The following ERBB4 variants were observed in gnomAD, a reference collection of about 807,000 sequenced individuals.
The protein encoded by ERBB4 is receptor tyrosine-protein kinase erbB-4.
ERBB4 carries 42 observed loss-of-function variants against 158.0 expected under a neutral mutation model. That is an observed-to-expected ratio of 0.27 (90% CI 0.21 to 0.34). ERBB4 has a LOEUF of 0.34. ERBB4 is among the 10% of genes least tolerant of loss of function. The probability of loss-of-function intolerance (pLI) is 1.00; values close to 1 mark genes in which losing one functional copy is unlikely to be tolerated. For missense variants in ERBB4, 1,333 were observed against 1,624.1 expected, an observed-to-expected ratio of 0.82 and a Z score of 3.08; for synonymous variants, 583 against 558.7, an observed-to-expected ratio of 1.04 and a Z score of -0.61.
intron 1 of ERBB4, among the ~76,000 whole-genome samples, chr2:212,448,914 G>A (rs980682957): frequency 3.3e-5 from 5 of 152,006 alleles, no homozygotes; most frequent in African/African-American, 7.2e-5. Flanking sequence ...TGTAGCTTGT[G>A]GTCACTGAGG....
At chr2:211,715,018 T>A (rs918269430) in intron 7 of ERBB4, among the ~76,000 whole-genome samples, 1 of 152,280 alleles carries the variant, frequency 6.6e-6, no homozygotes, top group Middle Eastern at 3.4e-3. Flanking sequence ...TGAAAATGGA[T>A]GGCAGCTTCT....
intron 4 of ERBB4, among the ~76,000 whole-genome samples, chr2:211,780,231 G>T (rs2076001683): frequency 6.6e-6 from 1 of 152,054 alleles, no homozygotes; most frequent in Non-Finnish European, 1.5e-5. Context: ...GGGTGTAGTG[G>T]CATGCATCTG....
At chr2:211,519,306 C>T (rs1375936048) in intron 20 of ERBB4, among the ~76,000 whole-genome samples, 2 of 152,068 alleles carry the variant, frequency 1.3e-5, no homozygotes, top group Admixed American at 1.3e-4. Context: ...TTGGCTACAT[C>T]CTATTAATAT....
chr2:212,355,309 G>T (rs1476496618), intron 1 of ERBB4, among the ~76,000 whole-genome samples: 8 of 151,920 alleles, frequency 5.3e-5, no homozygotes, highest in Non-Finnish European at 8.8e-5. Context: ...ACAGTATTGG[G>T]CTATAAGCAA....
intron 3 of ERBB4, among the ~76,000 whole-genome samples, chr2:211,798,111 T>C (rs2076421230): frequency 6.6e-6 from 1 of 151,926 alleles, no homozygotes; most frequent in African/African-American, 2.4e-5. Context: ...ACAGCATATC[T>C]CTATCACTCC....
chr2:212,284,163 A>C (rs1474401000), intron 1 of ERBB4, among the ~76,000 whole-genome samples: 1 of 152,150 alleles, frequency 6.6e-6, no homozygotes, highest in Non-Finnish European at 1.5e-5. Context: ...GGTTCAGATA[A>C]GAATATAAGT....
In ERBB4 at chr2:211,377,688, T is replaced by G; in HGVS notation, c.*5927A>C. On this transcript the variant is annotated 3_prime_UTR_variant, in exon 28 of 28. Transcript: ENST00000342788. ...AAAATATTTACGATTAGGAACCAAA[T>G]AAGATGAATAAAGCAAATAAGTTAA... The G allele has an allele frequency of 4.3e-6, 1 of 232,414 alleles. No homozygotes were observed. The highest frequency in any genetic ancestry group is 8.5e-6 in the Non-Finnish European group (1 of 117,530). 14.4% of individuals were successfully genotyped at this position (232,414 alleles called of 1,614,324 possible).
intron 1 of ERBB4, among the ~76,000 whole-genome samples, chr2:212,482,680 T>C (rs1249893744): frequency 6.6e-6 from 1 of 152,120 alleles, no homozygotes; most frequent in African/African-American, 2.4e-5. Flanking sequence ...GCAGTGGTGC[T>C]ATCTCAGCTC....
intron 2 of ERBB4, among the ~76,000 whole-genome samples, chr2:212,007,990 T>C (rs2076295638): frequency 6.6e-6 from 1 of 152,038 alleles, no homozygotes; most frequent in Admixed American, 6.6e-5. Context: ...CAGGAAATAT[T>C]TGATGAATGA....
intron 16 of ERBB4, among the ~76,000 whole-genome samples, chr2:211,656,908 C>T (rs2071237749): frequency 1.3e-5 from 2 of 152,234 alleles, no homozygotes; most frequent in Admixed American, 6.5e-5. Flanking sequence ...TATGAAAAAG[C>T]CACTACAAAC....
At chr2:212,278,025 CGATTGTT>C (rs1378918168) in intron 1 of ERBB4, among the ~76,000 whole-genome samples, 1 of 151,462 alleles carries the variant, frequency 6.6e-6, no homozygotes, top group African/African-American at 2.4e-5. Context: ...AATTCATTAT[CGATTGTT>C]GATTGAAAAA....
At chr2:211,944,249 T>C (rs963744942) in intron 3 of ERBB4, among the ~76,000 whole-genome samples, 1 of 128,768 alleles carries the variant, frequency 7.8e-6, no homozygotes, top group African/African-American at 2.8e-5. Flanking sequence ...ACTTAAAGTC[T>C]TCATCTCAAA....
chr2:211,740,902 G>A (rs200978245), intron 5 of ERBB4, among the ~76,000 whole-genome samples: 9 of 152,090 alleles, frequency 5.9e-5, no homozygotes, highest in East Asian at 5.8e-4. Context: ...GAGCCACTGC[G>A]CCCAGCCTAC....
chr2:212,040,617 T>C (rs1270360336), intron 2 of ERBB4, among the ~76,000 whole-genome samples: 1 of 152,176 alleles, frequency 6.6e-6, no homozygotes, highest in Non-Finnish European at 1.5e-5. Flanking sequence ...CCAGTTGCCC[T>C]ATATTCACCT....
At chr2:211,558,146 T>C (rs973113094) in intron 20 of ERBB4, among the ~76,000 whole-genome samples, 1 of 152,186 alleles carries the variant, frequency 6.6e-6, no homozygotes, top group African/African-American at 2.4e-5. Flanking sequence ...AAATTTATTC[T>C]CTTACAGCTC....
chr2:212,517,124 T>TTC (rs1401147198), intron 1 of ERBB4, among the ~76,000 whole-genome samples: 2 of 152,154 alleles, frequency 1.3e-5, no homozygotes. Flanking sequence ...CATTTTGAAA[T>TTC]TTTCATTGAG....
At chr2:212,290,727 C>T (rs1294960595) in intron 1 of ERBB4, among the ~76,000 whole-genome samples, 1 of 151,932 alleles carries the variant, frequency 6.6e-6, no homozygotes, top group Non-Finnish European at 1.5e-5. Context: ...AGAGAAATCA[C>T]ATATTGGATT....
rs191668598 is a variant in ERBB4 at position 212,191,600 on chromosome 2, T to C, written c.83-66697A>G. On this transcript the variant is annotated intron_variant, in intron 1 of 27. Transcript: ENST00000342788. ...TTATGCCTGTTATATATAACACATG[T>C]GTTATGCCTGTTATATATAACACAT... 1.7e-3 allele frequency among the ~76,000 whole-genome samples: 230 copies of C among 137,888 alleles called. 14 individuals are homozygous for C. The highest frequency in any genetic ancestry group is 6.7e-3 in the African/African-American group (211 of 31,560). The allele number at this position is 137,888 out of a possible 152,430, so 90.5% of individuals were successfully genotyped here. A position where few individuals can be genotyped will look rare whatever the true frequency, so the allele number is the denominator to read the frequency against.
intron 19 of ERBB4, among the ~76,000 whole-genome samples, chr2:211,601,853 C>T (rs1478032891): frequency 6.6e-6 from 1 of 151,882 alleles, no homozygotes; most frequent in African/African-American, 2.4e-5. Context: ...TAAATATTAC[C>T]ATGTATAGGA....
Sources: gnomAD v4.1 joint callset for allele counts (sites outside exome capture counted in the v4.1 genomes callset) on GRCh38, gnomAD v4.1.1 for gene constraint, MANE v1.5 for transcripts, NCBI Gene and HGNC (gene_info 2026-07-23, HGNC 2026-07-21) for gene names.